Variants in EVA1A observed in about 807,000 individuals in gnomAD.
EVA1A encodes the protein protein eva-1 homolog A.
A neutral mutation model predicts 9.8 loss-of-function variants in EVA1A; 7 were observed. That is an observed-to-expected ratio of 0.71 (90% CI 0.41 to 1.34). EVA1A has a LOEUF of 1.34. Ranked by LOEUF, EVA1A falls within the 40% of genes most tolerant of loss-of-function variation. The pLI, the probability that EVA1A is intolerant of heterozygous loss-of-function variation, is 0.01. For synonymous variants in EVA1A, 90 were observed against 85.6 expected (o/e 1.05, Z -0.28); for missense variants, 206 against 205.9 (o/e 1.00, Z 0.00).
At chr2:75,531,599 A>G (rs1455078297) in intron 1 of EVA1A, among the ~76,000 whole-genome samples, 1 of 152,078 alleles carries the variant, frequency 6.6e-6, no homozygotes, top group African/African-American at 2.4e-5. Context: ...GAAAGAAATA[A>G]TGGCATTCTT....
At chr2:75,546,148 C>G (rs1297608873) in intron 1 of EVA1A, among the ~76,000 whole-genome samples, 1 of 152,178 alleles carries the variant, frequency 6.6e-6, no homozygotes, top group Non-Finnish European at 1.5e-5. Context: ...CTCAGACTCT[C>G]TCCTAGCAAC....
chr2:75,562,717 T>C (rs1676951111), upstream of EVA1A, among the ~76,000 whole-genome samples: 1 of 152,196 alleles, frequency 6.6e-6, no homozygotes, highest in Non-Finnish European at 1.5e-5. Context: ...CCCCTAACTC[T>C]CCAGCTTTCC....
At chr2:75,507,813 C>T (rs1476565847) in intron 3 of EVA1A, among the ~76,000 whole-genome samples, 1 of 152,174 alleles carries the variant, frequency 6.6e-6, no homozygotes, top group African/African-American at 2.4e-5. Flanking sequence ...ATCAGAGCCT[C>T]ACACCTCAGG....
Position 75,518,049 on chromosome 2 carries a change from C to G in EVA1A, c.85+7G>C. ...CAGTCCTGGCCCAGTGGAAACCAGGCACCTACCTGAGACAAAGGAATAGGC... is the reference window on the plus strand; with the variant it reads ...CAGTCCTGGCCCAGTGGAAACCAGGGACCTACCTGAGACAAAGGAATAGGC... On this transcript the variant is annotated splice_region_variant and intron_variant, in intron 3 of 3. Coordinates refer to ENST00000393913, the MANE Select transcript of EVA1A (RefSeq NM_001135032.2). 1 of 1,613,860 alleles carries G rather than the reference C, an allele frequency of 6.2e-7. No homozygotes were observed. Among genetic ancestry groups the G allele is most frequent in the South Asian group, 1.1e-5 (1 of 91,010 alleles).
intron 1 of EVA1A, among the ~76,000 whole-genome samples, chr2:75,552,247 C>G (rs1348080891): frequency 6.6e-6 from 1 of 152,070 alleles, no homozygotes; most frequent in Non-Finnish European, 1.5e-5. Context: ...AATGTCAAAC[C>G]TAGAAAACAT....
intron 1 of EVA1A, among the ~76,000 whole-genome samples, chr2:75,530,766 G>C (rs778808303): frequency 6.6e-6 from 1 of 152,128 alleles, no homozygotes; most frequent in Non-Finnish European, 1.5e-5. Context: ...GGTAATAAAA[G>C]CCATCTATGA....
intron 1 of EVA1A, among the ~76,000 whole-genome samples, chr2:75,527,031 G>C (rs141822586): frequency 6.6e-6 from 1 of 152,106 alleles, no homozygotes; most frequent in African/African-American, 2.4e-5. Context: ...CAACACAACT[G>C]GTGCAGACAA....
intron 1 of EVA1A, among the ~76,000 whole-genome samples, chr2:75,560,365 G>A (rs1371290277): frequency 6.6e-6 from 1 of 152,210 alleles, no homozygotes; most frequent in African/African-American, 2.4e-5. Flanking sequence ...GCTAGATTTG[G>A]GAACGACCTG....
At chr2:75,540,795 G>C (rs75988101) in intron 1 of EVA1A, 1 of 152,116 alleles carries the variant, frequency 6.6e-6, no homozygotes, top group Admixed American at 6.6e-5. Flanking sequence ...GGCACTGTAC[G>C]AATCAAGATG....
chr2:75,550,219 C>T (rs1676473450), intron 1 of EVA1A, among the ~76,000 whole-genome samples: 1 of 152,098 alleles, frequency 6.6e-6, no homozygotes, highest in South Asian at 2.1e-4. Flanking sequence ...AGGGTCATTC[C>T]AAGCAGAGGG....
intron 1 of EVA1A, among the ~76,000 whole-genome samples, chr2:75,525,204 A>G (rs983392435): frequency 6.6e-6 from 1 of 151,908 alleles, no homozygotes; most frequent in African/African-American, 2.4e-5. Flanking sequence ...CCAAATCACT[A>G]TCTCAATCTC....
intron 1 of EVA1A, among the ~76,000 whole-genome samples, chr2:75,548,653 C>A (rs13036115): frequency 0.15 from 22,720 of 152,032 alleles, 1,773 homozygotes; most frequent in Non-Finnish European, 0.16. Context: ...CCCTTAGCAC[C>A]CTGTGACATC....
chr2:75,527,621 AC>A (rs1162156214), intron 1 of EVA1A, among the ~76,000 whole-genome samples: 2 of 152,246 alleles, frequency 1.3e-5, no homozygotes, highest in Admixed American at 6.5e-5. Context: ...ATTTTTAAAC[AC>A]CATGATTTTA....
chr2:75,518,864 A>T, intron 2 of EVA1A: 3 of 985,388 alleles, frequency 3.0e-6, no homozygotes, highest in Non-Finnish European at 3.6e-6. Context: ...AGTGGTTCAG[A>T]GCTGGCTATC....
intron 3 of EVA1A, among the ~76,000 whole-genome samples, chr2:75,503,709 T>C (rs1170009679): frequency 2.0e-5 from 3 of 152,124 alleles, no homozygotes; most frequent in Non-Finnish European, 4.4e-5. Flanking sequence ...ATGTGAGAGC[T>C]AAAAAGTTTG....
At chr2:75,502,466 C>T (rs78296741) in intron 3 of EVA1A, among the ~76,000 whole-genome samples, 6,476 of 152,306 alleles carry the variant, frequency 0.043, 470 homozygotes, top group African/African-American at 0.15. Flanking sequence ...TCTCTACATG[C>T]ACCCTTTTAC....
At chr2:75,511,116 C>T (rs1171083913) in intron 3 of EVA1A, among the ~76,000 whole-genome samples, 2 of 152,178 alleles carry the variant, frequency 1.3e-5, no homozygotes, top group African/African-American at 2.4e-5. Flanking sequence ...ACTTAGATAT[C>T]GTTCTTCATC....
chr2:75,557,150 G>C (rs946428946), intron 1 of EVA1A, among the ~76,000 whole-genome samples: 1 of 152,188 alleles, frequency 6.6e-6, no homozygotes, highest in Non-Finnish European at 1.5e-5. Context: ...AGCTGTGCAG[G>C]ACAGCTGTGG....
chr2:75,521,173 G>A (rs761374947), intron 2 of EVA1A, among the ~76,000 whole-genome samples: 18 of 152,136 alleles, frequency 1.2e-4, no homozygotes, highest in Admixed American at 1.3e-4. Context: ...TCTCATACCC[G>A]TTAGGATGAC....
Sources: allele counts gnomAD v4.1 joint callset (sites outside exome capture counted in the v4.1 genomes callset), GRCh38; gene constraint gnomAD v4.1.1; transcripts MANE v1.5; gene names NCBI Gene and HGNC (gene_info 2026-07-23, HGNC 2026-07-21).